Variants in TBC1D30 observed in about 807,000 individuals in gnomAD.
TBC1D30 encodes TBC1 domain family, member 30.
A neutral mutation model predicts 63.2 loss-of-function variants in TBC1D30; 31 were observed. The observed-to-expected ratio is 0.49, with a 90% CI of 0.37 to 0.66. The LOEUF is 0.66. Ranked by LOEUF, TBC1D30 falls within the 30% of genes least tolerant of loss-of-function variation. The pLI is 0.00. For missense variants in TBC1D30, 810 were observed against 953.6 expected (o/e 0.85, Z 1.98); for synonymous variants, 307 against 361.5 (o/e 0.85, Z 1.71).
intron 8 of TBC1D30, among the ~76,000 whole-genome samples, chr12:64,846,072 T>C (rs1876352720): frequency 6.6e-6 from 1 of 151,790 alleles, no homozygotes; most frequent in Non-Finnish European, 1.5e-5. Context: ...ATAAGAGTTA[T>C]TTGAGCTACT....
chr12:64,771,386 C>A (rs1407475103), intron 1 of TBC1D30, among the ~76,000 whole-genome samples: 1 of 152,080 alleles, frequency 6.6e-6, no homozygotes, highest in Non-Finnish European at 1.5e-5. Context: ...ACCAAATGAC[C>A]ATGCTTTCTG....
chr12:64,785,746 A>T, intron 1 of TBC1D30: 1 of 548,758 alleles, frequency 1.8e-6, no homozygotes, highest in Non-Finnish European at 2.8e-6. Context: ...CTGAATGCAT[A>T]CATGTAATCT....
intron 1 of TBC1D30, among the ~76,000 whole-genome samples, chr12:64,762,061 T>C (rs1246132273): frequency 6.6e-6 from 1 of 152,152 alleles, no homozygotes; most frequent in Non-Finnish European, 1.5e-5. Context: ...TTTAAGGTGG[T>C]GGGAGGCTGA....
chr12:64,804,692 A>G lies in TBC1D30; in HGVS notation c.643+18647A>G, dbSNP rs539639235. Among the ~76,000 whole-genome samples, 543 of 152,308 alleles carry G rather than the reference A, an allele frequency of 3.6e-3. 1 individual carries two copies. The highest frequency in any genetic ancestry group is 6.2e-3 in the Non-Finnish European group (422 of 68,026). On this transcript the variant is annotated intron_variant, in intron 2 of 12. Transcript: ENST00000542120. The stretch of plus-strand genomic sequence containing the variant: ...TTATGTAATGAAAAAACTAGTGGGA[A>G]AGGGGCACAAAATTCATTTTTTTCC...
chr12:64,775,815 A>G (rs1442263072), upstream of TBC1D30, among the ~76,000 whole-genome samples: 1 of 152,250 alleles, frequency 6.6e-6, no homozygotes, highest in African/African-American at 2.4e-5. Context: ...ACATGAAAAC[A>G]ACAGAATATA....
At chr12:64,763,588 A>C (rs1041572499) in intron 1 of TBC1D30, among the ~76,000 whole-genome samples, 1 of 147,390 alleles carries the variant, frequency 6.8e-6, no homozygotes, top group Non-Finnish European at 1.5e-5. Context: ...CATCTTTATC[A>C]CTTTGGTTTT....
At position 64,773,183 on chromosome 12, in the gene TBC1D30, TC is replaced by T. The variant is rs541235283; in HGVS notation, c.-375-12693del. On this transcript the variant is annotated intron_variant, in intron 1 of 13. Coordinates refer to the TBC1D30 transcript ENST00000674237. ...CCAAACCAACTGAGGGTGGAAGGGA[TC>T]CCCCAGCACAGCACAGCTGTTCTAC... 2.0e-5 allele frequency among the ~76,000 whole-genome samples: 3 copies of T among 152,272 alleles called. No individual in the cohort carries two copies. The South Asian group carries it at 6.2e-4, about 32-fold the overall frequency.
intron 2 of TBC1D30, among the ~76,000 whole-genome samples, chr12:64,808,239 G>A (rs938073286): frequency 2.6e-5 from 4 of 152,030 alleles, no homozygotes; most frequent in Admixed American, 6.6e-5. Flanking sequence ...TCTGCACCAC[G>A]TTTATGTAGT....
chr12:64,824,888 G>A lies in TBC1D30; in HGVS notation c.9G>A (p.Gln3=). 1 of 1,533,770 alleles carries A rather than the reference G, an allele frequency of 6.5e-7. No homozygotes were observed. Among genetic ancestry groups the A allele is most frequent in the Non-Finnish European group, 8.7e-7 (1 of 1,146,384 alleles). ...GCCCGGGGCGCTCTCGGATGCGGCA[G>A]GACAAGCTGACCGGGTCTCTGAGGC... MR[Q]DKLTGSLRRG... is the part of the protein sequence containing the mutation. The change falls in exon 1 of 12, where the codon CAG becomes CAA. Residue 3 remains glutamine (Q), a synonymous_variant. Transcript: ENST00000539867.
chr12:64,802,942 T>C (rs1026545627), intron 2 of TBC1D30, among the ~76,000 whole-genome samples: 2 of 152,226 alleles, frequency 1.3e-5, no homozygotes, highest in Admixed American at 6.5e-5. Flanking sequence ...TTGTGAATAG[T>C]GCCGCAATAA....
chr12:64,769,713 G>T (rs1229800888), intron 1 of TBC1D30, among the ~76,000 whole-genome samples: 1 of 151,740 alleles, frequency 6.6e-6, no homozygotes, highest in African/African-American at 2.4e-5. Flanking sequence ...GTAAAGACAG[G>T]GTTTCACCAT....
intron 5 of TBC1D30, 108 bp downstream of exon 5, chr12:64,832,412 C>A: frequency 8.7e-7 from 1 of 1,148,368 alleles, no homozygotes; most frequent in Non-Finnish European, 1.2e-6. Context: ...GTGTTTGCCA[C>A]ACCTTTGTAA....
intron 11 of TBC1D30, among the ~76,000 whole-genome samples, chr12:64,874,275 A>T (rs570973338): frequency 9.2e-5 from 14 of 152,250 alleles, no homozygotes; most frequent in African/African-American, 3.4e-4. Context: ...TTTAGTAGAG[A>T]CAGGGTTTCA....
intron 4 of TBC1D30, among the ~76,000 whole-genome samples, chr12:64,830,988 G>A (rs778141519): frequency 6.6e-6 from 1 of 151,980 alleles, no homozygotes; most frequent in African/African-American, 2.4e-5. Flanking sequence ...GTTGTGGCTC[G>A]CTTACCTGGA....
exon 1 of TBC1D30, chr12:64,780,817 C>T (rs747796513): frequency 6.0e-6 from 6 of 995,186 alleles, no homozygotes; most frequent in South Asian, 4.0e-5. Flanking sequence ...CCATGGACGT[C>T]CTTCCCACCG....
At chr12:64,856,064 T>A (rs189657260) in intron 8 of TBC1D30, among the ~76,000 whole-genome samples, 191 of 152,082 alleles carry the variant, frequency 1.3e-3, no homozygotes, top group African/African-American at 4.5e-3. Context: ...CCCTGGCATC[T>A]GCTTGGCTTC....
chr12:64,856,006 A>G (rs1877266707), intron 8 of TBC1D30, among the ~76,000 whole-genome samples: 1 of 152,210 alleles, frequency 6.6e-6, no homozygotes, highest in Non-Finnish European at 1.5e-5. Flanking sequence ...GATAATTTAT[A>G]AAGAAAAGAA....
intron 1 of TBC1D30, 108 bp downstream of exon 1, chr12:64,825,141 C>A: frequency 7.2e-7 from 1 of 1,396,494 alleles, no homozygotes; most frequent in Non-Finnish European, 9.4e-7. Flanking sequence ...GGGGAAAGTC[C>A]GCGTGCCACC....
rs55757950 is a variant in TBC1D30, at chr12:64,819,406, CTTTTTT to C, written c.644-8407_644-8402del. On this transcript the variant is annotated intron_variant, in intron 2 of 12. Transcript: ENST00000542120. ...CTTGGATAATGAATTGAAGGAACTA[CTTTTTT>C]TTTTTTTTTTTTTTTTTTTTTGAAA... 4.5e-3 allele frequency among the ~76,000 whole-genome samples: 349 copies of C among 78,022 alleles called. 4 individuals are homozygous for C. Among genetic ancestry groups the C allele is most frequent in the African/African-American group, 0.015 (319 of 21,376 alleles). The allele number at this position is 78,022 out of a possible 152,430, so 51.2% of individuals were successfully genotyped here. A position where few individuals can be genotyped will look rare whatever the true frequency, so the allele number is the denominator to read the frequency against.
Sources: allele counts gnomAD v4.1 joint callset (sites outside exome capture counted in the v4.1 genomes callset), GRCh38; gene constraint gnomAD v4.1.1; transcripts MANE v1.5; gene names NCBI Gene and HGNC (gene_info 2026-07-23, HGNC 2026-07-21).